MYO10: variants seen among roughly 807,000 people sequenced by gnomAD.
MYO10 encodes myosin X, also known as unconventional myosin-X.
A neutral mutation model predicts 257.3 loss-of-function variants in MYO10; 133 were observed. The observed-to-expected ratio is 0.52, with a 90% CI of 0.45 to 0.60. The LOEUF (loss-of-function observed/expected upper bound fraction) is 0.60, where lower values mean the gene tolerates loss of function less well. MYO10 is among the 20% of genes least tolerant of loss of function. The pLI, the probability that MYO10 is intolerant of heterozygous loss-of-function variation, is 0.00. For missense variants in MYO10, 2,399 were observed against 2,635.7 expected (o/e 0.91, Z 1.97); for synonymous variants, 1,104 against 1,028.6 (o/e 1.07, Z -1.40).
At chr5:16,803,503 T>C (rs1029360144) in intron 3 of MYO10, among the ~76,000 whole-genome samples, 1 of 152,174 alleles carries the variant, frequency 6.6e-6, no homozygotes, top group Admixed American at 6.5e-5. Context: ...TGACAAGCTA[T>C]AGACTATTCA....
At chr5:16,866,944 TGCCAGCTGCCCGACCTGGAGAGCGG>T (rs1449550840) in intron 2 of MYO10, among the ~76,000 whole-genome samples, 2 of 152,220 alleles carry the variant, frequency 1.3e-5, no homozygotes, top group African/African-American at 4.8e-5. Flanking sequence ...GGTCCCCTCC[TGCCAGCTGCCCGACCTGGAGAGCGG>T]GCCAGCTGCC....
rs527452145 is a variant in MYO10, at chr5:16,801,897, G to T, written c.280-7064C>A. Reference sequence around the variant, plus strand: ...GCAACCCATGTGTCTGCCAATAAATGAACAGATACAAAAAATGTGGCACAT... The same window carrying T: ...GCAACCCATGTGTCTGCCAATAAATTAACAGATACAAAAAATGTGGCACAT... On this transcript the variant is annotated intron_variant, in intron 3 of 40. Transcript: ENST00000513610. 1.9e-3 allele frequency among the ~76,000 whole-genome samples: 284 copies of T among 152,230 alleles called. 2 individuals are homozygous for T. Among genetic ancestry groups the T allele is most frequent in the African/African-American group, 6.4e-3 (266 of 41,524 alleles).
chr5:16,774,757 A>T (rs1213133771), intron 9 of MYO10, among the ~76,000 whole-genome samples: 2 of 152,146 alleles, frequency 1.3e-5, no homozygotes, highest in Non-Finnish European at 2.9e-5. Context: ...ATATTATTTT[A>T]AAAATACTTT....
At position 16,737,105 on chromosome 5, in the gene MYO10, C is replaced by T. The variant is rs1471964319; in HGVS notation, c.1929+17723G>A. Reference sequence around the variant, plus strand: ...GAAGAGTTCTTTCTTAAAAAAATCACTAAATAGGGTCTAAAACATTGGTTT... The same window carrying T: ...GAAGAGTTCTTTCTTAAAAAAATCATTAAATAGGGTCTAAAACATTGGTTT... On this transcript the variant is annotated intron_variant, in intron 19 of 40. Transcript: ENST00000513610. Among the ~76,000 whole-genome samples the T allele has an allele frequency of 2.6e-5, 4 of 152,224 alleles. No homozygotes were observed. The South Asian group carries it at 6.2e-4, about 24-fold the overall frequency.
At chr5:16,788,749 G>C (rs1741666196) in intron 4 of MYO10, among the ~76,000 whole-genome samples, 1 of 152,118 alleles carries the variant, frequency 6.6e-6, no homozygotes, top group African/African-American at 2.4e-5. Context: ...GCCGTGGAGA[G>C]CCAGGAAGAA....
At chr5:16,811,842 T>C (rs894814810) in intron 3 of MYO10, among the ~76,000 whole-genome samples, 9 of 152,164 alleles carry the variant, frequency 5.9e-5, no homozygotes, top group African/African-American at 2.2e-4. Context: ...TGAGCCACCA[T>C]GCCAGGCTTT....
chr5:16,828,053 T>G (rs1420777013), intron 2 of MYO10, among the ~76,000 whole-genome samples: 1 of 152,134 alleles, frequency 6.6e-6, no homozygotes, highest in Non-Finnish European at 1.5e-5. Flanking sequence ...ACTTCCTTAC[T>G]GGCTATGAGT....
chr5:16,929,421 C>T (rs756259620), intron 1 of MYO10, among the ~76,000 whole-genome samples: 24 of 152,072 alleles, frequency 1.6e-4, no homozygotes, highest in Admixed American at 5.2e-4. Flanking sequence ...GAGAAGATGA[C>T]GCAAGTTTAA....
Position 16,680,106 on chromosome 5 carries a change from T to C in MYO10, c.4385-2A>G. 6.2e-7 allele frequency: 1 copy of C among 1,608,994 alleles called. No homozygotes were observed. Among genetic ancestry groups the C allele is most frequent in the Non-Finnish European group, 8.5e-7 (1 of 1,176,240 alleles). On this transcript the variant is annotated splice_acceptor_variant, in intron 32 of 40. Transcript: ENST00000513610. LOFTEE classifies it high-confidence loss of function. ...CGTACACGGTGACGTTCCAGTAGCC[T>C]GCAATGGCAGGGGTGCCCAGCACAC...
At chr5:16,781,077 G>T (rs1741407435) in intron 6 of MYO10, among the ~76,000 whole-genome samples, 1 of 146,198 alleles carries the variant, frequency 6.8e-6, no homozygotes, top group Non-Finnish European at 1.5e-5. Flanking sequence ...TTATTTCACA[G>T]AATTTTTTTT....
intron 3 of MYO10, among the ~76,000 whole-genome samples, chr5:16,795,050 G>A (rs1462753847): frequency 6.6e-6 from 1 of 152,190 alleles, no homozygotes; most frequent in Non-Finnish European, 1.5e-5. Context: ...ACAAGAGAAG[G>A]AAGATGGTGA....
chr5:16,745,933 C>T (rs7730837), intron 19 of MYO10, among the ~76,000 whole-genome samples: 1 of 151,910 alleles, frequency 6.6e-6, no homozygotes, highest in Admixed American at 6.6e-5. Flanking sequence ...AAGAGGTCCC[C>T]GTCCAGACCC....
intron 2 of MYO10, among the ~76,000 whole-genome samples, chr5:16,865,186 G>A (rs1293277476): frequency 2.6e-5 from 4 of 151,940 alleles, no homozygotes; most frequent in East Asian, 1.9e-4. Flanking sequence ...ACTATACATC[G>A]GATTTTAAAA....
chr5:16,692,507 T>G (rs1737554602), intron 27 of MYO10, among the ~76,000 whole-genome samples: 2 of 152,186 alleles, frequency 1.3e-5, no homozygotes, highest in South Asian at 4.1e-4. Flanking sequence ...GGAGCTAACA[T>G]TATTTTTTTA....
chr5:16,821,443 C>CTTTTTTTTTTT (rs571931909), intron 2 of MYO10, among the ~76,000 whole-genome samples: 8 of 70,262 alleles, frequency 1.1e-4, no homozygotes, highest in African/African-American at 3.7e-4. Context: ...CTCCTATTTT[C>CTTTTTTTTTTT]TTTTTTTTTT....
At chr5:16,878,697 C>T (rs950430877) in intron 1 of MYO10, among the ~76,000 whole-genome samples, 1 of 152,166 alleles carries the variant, frequency 6.6e-6, no homozygotes, top group Non-Finnish European at 1.5e-5. Flanking sequence ...GTGGATGGAG[C>T]TGGAGACCAT....
intron 1 of MYO10, among the ~76,000 whole-genome samples, chr5:16,919,835 G>A (rs988914997): frequency 2.6e-5 from 4 of 152,228 alleles, no homozygotes; most frequent in South Asian, 2.1e-4. Context: ...AAATTAGGCC[G>A]GGTGTGGTGG....
intron 3 of MYO10, among the ~76,000 whole-genome samples, chr5:16,805,833 C>G (rs932694350): frequency 6.6e-6 from 1 of 152,176 alleles, no homozygotes. Flanking sequence ...TAATTTGGAA[C>G]AGCTGCAGCA....
intron 21 of MYO10, among the ~76,000 whole-genome samples, chr5:16,706,594 A>G (rs1738358163): frequency 1.3e-5 from 2 of 152,216 alleles, no homozygotes; most frequent in South Asian, 4.1e-4. Context: ...GAAAGAGACA[A>G]AAGTGTCAAC....
Sources: gnomAD v4.1 joint callset for allele counts (sites outside exome capture counted in the v4.1 genomes callset) on GRCh38, gnomAD v4.1.1 for gene constraint, MANE v1.5 for transcripts, NCBI Gene and HGNC (gene_info 2026-07-23, HGNC 2026-07-21) for gene names.